PLA2G4A: variants seen among roughly 807,000 people sequenced by gnomAD.
The protein encoded by PLA2G4A is cytosolic phospholipase A2.
A neutral mutation model predicts 81.9 loss-of-function variants in PLA2G4A; 40 were observed. The ratio of observed to expected loss-of-function variants is 0.49; its 90% confidence interval spans 0.38 to 0.64. PLA2G4A has a LOEUF of 0.64. Among genes scored for constraint, PLA2G4A ranks in the 30% least tolerant of loss-of-function variants. The pLI is 0.00. For missense variants in PLA2G4A, 715 were observed against 905.1 expected (o/e 0.79, Z 2.69); for synonymous variants, 302 against 296.9 (o/e 1.02, Z -0.18).
chr1:186,834,248 C>T (rs1382639025), intron 1 of PLA2G4A, among the ~76,000 whole-genome samples: 3 of 151,170 alleles, frequency 2.0e-5, no homozygotes, highest in Admixed American at 6.6e-5. Flanking sequence ...TTTTTATTTT[C>T]ACAGGCTTTG....
intron 1 of PLA2G4A, among the ~76,000 whole-genome samples, chr1:186,831,014 CTTTCTTTT>C (rs1651564612): frequency 3.7e-5 from 5 of 135,428 alleles, no homozygotes; most frequent in Middle Eastern, 3.8e-3. Context: ...TTCTTTCTTT[CTTTCTTTT>C]TCTTTCTTTC....
chr1:186,904,511 G>A (rs1260314432), intron 5 of PLA2G4A, among the ~76,000 whole-genome samples: 1 of 152,234 alleles, frequency 6.6e-6, no homozygotes, highest in Non-Finnish European at 1.5e-5. Context: ...TAGCATGTCT[G>A]AACATAGTGC....
At chr1:186,979,828 A>G (rs1165613764) in intron 17 of PLA2G4A, among the ~76,000 whole-genome samples, 1 of 152,100 alleles carries the variant, frequency 6.6e-6, no homozygotes, top group Non-Finnish European at 1.5e-5. Context: ...GAATGGAACC[A>G]GAAGTGTAGT....
chr1:186,961,654 T>C (rs1271395555), intron 14 of PLA2G4A, among the ~76,000 whole-genome samples: 3 of 152,162 alleles, frequency 2.0e-5, no homozygotes, highest in Admixed American at 1.3e-4. Context: ...AAAAGGATAC[T>C]ACCAGTTTAC....
At chr1:186,846,041 G>T (rs1350858018) in intron 1 of PLA2G4A, among the ~76,000 whole-genome samples, 1 of 152,194 alleles carries the variant, frequency 6.6e-6, no homozygotes, top group Non-Finnish European at 1.5e-5. Context: ...CAAAGGAATA[G>T]AAACCCTGCT....
chr1:186,906,928 C>A, intron 5 of PLA2G4A, 37 bp from the exon 6 acceptor site: 1 of 1,133,994 alleles, frequency 8.8e-7, no homozygotes, highest in Non-Finnish European at 1.3e-6. Context: ...CACATATCTA[C>A]TTTATGACCT....
At chr1:186,863,776 TTGGGGACAGAGTCTCCCTC>T (rs1652906846) in intron 2 of PLA2G4A, among the ~76,000 whole-genome samples, 2 of 132,886 alleles carry the variant, frequency 1.5e-5, no homozygotes, top group African/African-American at 2.9e-5. Context: ...TTTTTTTTTT[TTGGGGACAGAGTCTCCCTC>T]TTTTGCCCAG....
intron 2 of PLA2G4A, among the ~76,000 whole-genome samples, chr1:186,867,346 C>T (rs1047099972): frequency 9.2e-5 from 14 of 152,090 alleles, no homozygotes; most frequent in African/African-American, 3.4e-4. Context: ...TGGAATATCT[C>T]TCCATTTATT....
intron 1 of PLA2G4A, among the ~76,000 whole-genome samples, chr1:186,852,127 G>A (rs1271924867): frequency 3.3e-5 from 5 of 151,800 alleles, no homozygotes; most frequent in African/African-American, 1.2e-4. Flanking sequence ...GGGCCCACAT[G>A]TGCCTACACA....
Position 186,894,094 on chromosome 1 carries a change from G to A in PLA2G4A, c.265-4G>A. On this transcript the variant is annotated splice_polypyrimidine_tract_variant and splice_region_variant and intron_variant, in intron 4 of 17. Coordinates refer to ENST00000367466, the MANE Select transcript of PLA2G4A (RefSeq NM_024420.3). ...ATTTTTGTGCTTTACATTTTACTCT[G>A]TAGATTACGTTAATGGATGCCAATT... The A allele has an allele frequency of 2.7e-6, 3 of 1,093,980 alleles. No individual in the cohort carries two copies. The highest frequency in any genetic ancestry group is 1.5e-5 in the African/African-American group (1 of 65,084). 67.8% of individuals were successfully genotyped at this position (1,093,980 alleles called of 1,614,324 possible).
intron 2 of PLA2G4A, among the ~76,000 whole-genome samples, chr1:186,867,746 A>T (rs1028530943): frequency 6.6e-6 from 1 of 152,116 alleles, no homozygotes; most frequent in Non-Finnish European, 1.5e-5. Flanking sequence ...GAAAAGGGTG[A>T]TGACAGGGAA....
At chr1:186,930,071 TGAGA>T (rs374306138) in intron 7 of PLA2G4A, among the ~76,000 whole-genome samples, 2 of 151,302 alleles carry the variant, frequency 1.3e-5, no homozygotes, top group African/African-American at 4.9e-5. Flanking sequence ...CCAGCTTGGG[TGAGA>T]GAGAGAGAGA....
intron 15 of PLA2G4A, among the ~76,000 whole-genome samples, chr1:186,966,896 G>A (rs1224761006): frequency 6.6e-6 from 1 of 152,114 alleles, no homozygotes; most frequent in Non-Finnish European, 1.5e-5. Flanking sequence ...CTCTGTCTGT[G>A]TTTATTTTGT....
intron 3 of PLA2G4A, among the ~76,000 whole-genome samples, chr1:186,884,109 G>T (rs927837080): frequency 6.6e-6 from 1 of 152,098 alleles, no homozygotes; most frequent in Non-Finnish European, 1.5e-5. Flanking sequence ...GAGAGAAGCG[G>T]TATTGAGAGA....
At chr1:186,860,376 A>G (rs912466658) in intron 2 of PLA2G4A, among the ~76,000 whole-genome samples, 1 of 151,780 alleles carries the variant, frequency 6.6e-6, no homozygotes, top group Non-Finnish European at 1.5e-5. Context: ...AGGGGAGCTG[A>G]TAACGTAAAT....
chr1:186,915,240 A>T (rs1323920073), intron 7 of PLA2G4A, among the ~76,000 whole-genome samples: 1 of 152,176 alleles, frequency 6.6e-6, no homozygotes, highest in East Asian at 1.9e-4. Flanking sequence ...AATTTCCCAC[A>T]GACCCCTCCT....
At chr1:186,899,235 A>G in intron 5 of PLA2G4A, among the ~76,000 whole-genome samples, 1 of 152,178 alleles carries the variant, frequency 6.6e-6, no homozygotes. Context: ...CACTCCAAGT[A>G]GAAAGGCTCT....
At position 186,908,938 on chromosome 1, in the gene PLA2G4A, T is replaced by A. The variant is rs144547382; in HGVS notation, c.416+1936T>A. On this transcript the variant is annotated intron_variant, in intron 6 of 17. Transcript: ENST00000367466. Reference sequence around the variant, plus strand: ...TGAGGAGGTGTCATAGAGGCAACTGTACAGGTAAGATTTTAATTTCTTTTC... The same window carrying A: ...TGAGGAGGTGTCATAGAGGCAACTGAACAGGTAAGATTTTAATTTCTTTTC... Among the ~76,000 whole-genome samples, 749 of 151,006 alleles carry A rather than the reference T, an allele frequency of 5.0e-3. 10 individuals carry two copies. The highest frequency in any genetic ancestry group is 0.016 in the African/African-American group (661 of 41,272).
intron 7 of PLA2G4A, among the ~76,000 whole-genome samples, chr1:186,929,726 G>GA (rs906895545): frequency 3.3e-5 from 5 of 151,804 alleles, no homozygotes; most frequent in East Asian, 1.9e-4. Flanking sequence ...TGTGACATTG[G>GA]AAAAAAAATC....
Sources: gnomAD v4.1 joint callset for allele counts (sites outside exome capture counted in the v4.1 genomes callset) on GRCh38, gnomAD v4.1.1 for gene constraint, MANE v1.5 for transcripts, NCBI Gene and HGNC (gene_info 2026-07-23, HGNC 2026-07-21) for gene names.